The following DNMT3A variants were observed in gnomAD, a reference collection of about 807,000 sequenced individuals.
The protein encoded by DNMT3A is DNA methyltransferase 3 alpha.
In DNMT3A, 267 loss-of-function variants were observed where a neutral mutation model predicts 117.6. That is an observed-to-expected ratio of 2.27 (90% CI 2.05 to 2.51). The LOEUF is 2.51. DNMT3A is among the 30% of genes most tolerant of loss of function. The pLI is 0.00. For missense variants in DNMT3A, 1,029 were observed against 1,260.2 expected (o/e 0.82, Z 2.78); for synonymous variants, 432 against 474.8 (o/e 0.91, Z 1.17).
Position 25,246,934 on chromosome 2 carries a change from G to C in DNMT3A, c.1122+117C>G, listed in dbSNP as rs543558724. 16 of 1,470,402 alleles carry C rather than the reference G, an allele frequency of 1.1e-5. No homozygotes were observed. The African/African-American group carries it at 1.4e-4, about 13-fold the overall frequency. 91.1% of individuals were successfully genotyped at this position (1,470,402 alleles called of 1,614,324 possible). The stretch of plus-strand genomic sequence containing the variant: ...TGTGCATACGGGCGAGCGAGGTGGA[G>C]AGAAAGGAGTCGCTGCCTCCTGGGC... On this transcript the variant is annotated intron_variant, in intron 9 of 22. Coordinates refer to ENST00000321117, the MANE Select transcript of DNMT3A (RefSeq NM_022552.5).
rs1558722168 is a variant in DNMT3A at position 25,300,632 on chromosome 2, AATAATATATTATTTAGATATCTAAATAAT to A, written c.73-418_73-390del. On this transcript the variant is annotated intron_variant, in intron 2 of 22. Transcript: ENST00000321117. Reference sequence around the variant, plus strand: ...AAATAATATATTATTTAGATATCTAAATAATATATTATTTAGATATCTAAATAATATATTATTTAGATATATATTTAGAT... The same window carrying A: ...AAATAATATATTATTTAGATATCTAAATATTATTTAGATATATATTTAGAT... Among the ~76,000 whole-genome samples, 2 of 87,604 alleles carry A rather than the reference AATAATATATTATTTAGATATCTAAATAAT, an allele frequency of 2.3e-5. 1 individual carries two copies. The highest frequency in any genetic ancestry group is 6.7e-4 in the South Asian group (2 of 3,000). 57.5% of individuals were successfully genotyped at this position (87,604 alleles called of 152,430 possible).
rs138560584 is a variant in DNMT3A at position 25,231,944 on chromosome 2, C to CGT, written c.*2333_*2334dup. ...GAGAAGAGTGCTGGGAGCCCCCTGGCGTGTGTGTGTGTGTGTGAGTGCATT... is the reference window on the plus strand; with the variant it reads ...GAGAAGAGTGCTGGGAGCCCCCTGGCGTGTGTGTGTGTGTGTGTGAGTGCATT... On this transcript the variant is annotated 3_prime_UTR_variant, in exon 23 of 23. Coordinates refer to ENST00000321117, the MANE Select transcript of DNMT3A (RefSeq NM_022552.5). The CGT allele has an allele frequency of 2.0e-3, 297 of 150,920 alleles. 2 individuals carry two copies. Among genetic ancestry groups the CGT allele is most frequent in the Middle Eastern group, 6.8e-3 (2 of 294 alleles). The allele number at this position is 150,920 out of a possible 1,614,324, so 9.3% of individuals were successfully genotyped here. A position where few individuals can be genotyped will look rare whatever the true frequency, so the allele number is the denominator to read the frequency against.
intron 3 of DNMT3A, among the ~76,000 whole-genome samples, chr2:25,291,939 G>A (rs527701831): frequency 4.6e-5 from 7 of 152,330 alleles, no homozygotes; most frequent in African/African-American, 1.7e-4. Flanking sequence ...ATTTCAGAGT[G>A]AGCTGGAGGC....
At chr2:25,334,075 A>T (rs1004009479) in intron 1 of DNMT3A, among the ~76,000 whole-genome samples, 5 of 152,106 alleles carry the variant, frequency 3.3e-5, no homozygotes, top group Non-Finnish European at 5.9e-5. Flanking sequence ...GCCTTATTCC[A>T]GGGGCAGGGT....
intron 3 of DNMT3A, among the ~76,000 whole-genome samples, chr2:25,290,877 C>T (rs1473798315): frequency 1.3e-5 from 2 of 152,194 alleles, no homozygotes; most frequent in East Asian, 3.9e-4. Context: ...CTCTTGCCTT[C>T]TCCCCCAAAG....
At position 25,306,592 on chromosome 2, in the gene DNMT3A, T is replaced by C. The variant is rs1306597859; in HGVS notation, c.73-6349A>G. Among the ~76,000 whole-genome samples the C allele has an allele frequency of 2.0e-5, 3 of 152,166 alleles. No homozygotes were observed. Among genetic ancestry groups the C allele is most frequent in the Admixed American group, 6.5e-5 (1 of 15,278 alleles). On this transcript the variant is annotated intron_variant, in intron 2 of 22. Transcript: ENST00000321117. The surrounding 1 kb of genome is among the most constrained non-coding windows in gnomAD (Gnocchi z 4.1). ...TGCCCATCTGGTTCCCAGGCCCTCG[T>C]GCCAGGGCTGCAGCCCCTTGTCCAC... is the stretch of plus-strand genomic sequence containing the variant.
In DNMT3A at chr2:25,236,857, G is replaced by A; in HGVS notation, c.2478+79C>T. On this transcript the variant is annotated intron_variant, in intron 21 of 22. Coordinates refer to ENST00000321117, the MANE Select transcript of DNMT3A (RefSeq NM_022552.5). This position sits in a 1 kb window ranked among gnomAD's most constrained non-coding sequence, Gnocchi z 4.5. ...CTAGCTGGAGAAGCAGGCGGGACAA[G>A]GCCCTGGCCACCGCTCCACCTCATC... is the stretch of plus-strand genomic sequence containing the variant. The A allele has an allele frequency of 1.4e-6, 2 of 1,447,824 alleles. No homozygotes were observed. The highest frequency in any genetic ancestry group is 9.4e-7 in the Non-Finnish European group (1 of 1,059,824). The allele number at this position is 1,447,824 out of a possible 1,614,324, so 89.7% of individuals were successfully genotyped here. A position where few individuals can be genotyped will look rare whatever the true frequency, so the allele number is the denominator to read the frequency against.
chr2:25,314,239 C>T (rs1045445572), intron 1 of DNMT3A, 78 bp from the exon 2 acceptor site: 227 of 1,359,372 alleles, frequency 1.7e-4, no homozygotes, highest in Non-Finnish European at 1.9e-4. Context: ...AGGGCCACAC[C>T]TGGCCTGTGA....
chr2:25,302,471 G>A (rs951822513), intron 2 of DNMT3A, among the ~76,000 whole-genome samples: 2 of 152,212 alleles, frequency 1.3e-5, no homozygotes, highest in African/African-American at 2.4e-5. Context: ...GGGGAGCCCC[G>A]TGCCGTCTGT....
rs117653576 is a variant in DNMT3A at position 25,268,300 on chromosome 2, C to T, written c.639+6641G>A. Among the ~76,000 whole-genome samples the T allele has an allele frequency of 1.0e-3, 155 of 152,280 alleles. 5 individuals carry two copies. The East Asian group carries it at 0.027, about 26-fold the overall frequency. ...TAGGACATGGTACCCGCTGCCTAGA[C>T]GGAATTTAGAATCCGGCTGGGGTGA... On this transcript the variant is annotated intron_variant, in intron 6 of 22. Coordinates refer to ENST00000321117, the MANE Select transcript of DNMT3A (RefSeq NM_022552.5).
chr2:25,269,279 A>G lies in DNMT3A; in HGVS notation c.639+5662T>C, dbSNP rs534541602. Among the ~76,000 whole-genome samples, 4 of 152,352 alleles carry G rather than the reference A, an allele frequency of 2.6e-5. No individual in the cohort carries two copies. The South Asian group carries it at 8.3e-4, about 32-fold the overall frequency. ...GAGGTGGAGGTTGCAGTGAGCCAAG[A>G]GACTGCACCACTGCACCCCAGCCTG... On this transcript the variant is annotated intron_variant, in intron 6 of 22. Coordinates refer to ENST00000321117, the MANE Select transcript of DNMT3A (RefSeq NM_022552.5).
chr2:25,240,793 G>C, intron 17 of DNMT3A, 63 bp from the exon 18 acceptor site: 2 of 1,532,350 alleles, frequency 1.3e-6, no homozygotes, highest in Non-Finnish European at 1.8e-6. Context: ...CAGGAAGAAA[G>C]AGAAATTATC....
In DNMT3A at chr2:25,311,958, G is replaced by A. The variant is rs535394213; in HGVS notation, c.72+1955C>T. ...TCCATTGGTGGTGGCCTGGGGCTCC[G>A]CAGCCCAGAGCAGCAGCAGCGGCGT... On this transcript the variant is annotated intron_variant, in intron 2 of 22. Coordinates refer to ENST00000321117, the MANE Select transcript of DNMT3A (RefSeq NM_022552.5). The surrounding 1 kb of genome is among the most constrained non-coding windows in gnomAD (Gnocchi z 5.2). Among the ~76,000 whole-genome samples, 2 of 152,240 alleles carry A rather than the reference G, an allele frequency of 1.3e-5. No individual in the cohort carries two copies. The highest frequency in any genetic ancestry group is 2.4e-5 in the African/African-American group (1 of 41,558).
intron 20 of DNMT3A, 27 bp downstream of exon 20, chr2:25,239,103 C>T: frequency 3.1e-6 from 5 of 1,609,660 alleles, no homozygotes; most frequent in Non-Finnish European, 4.2e-6. Context: ...AGCCCACAGC[C>T]CCCCAGGCCC....
chr2:25,273,575 T>C (rs1293489548), intron 6 of DNMT3A, among the ~76,000 whole-genome samples: 1 of 152,182 alleles, frequency 6.6e-6, no homozygotes, highest in African/African-American at 2.4e-5. Context: ...CCCACTTCTC[T>C]TTGTACCCAG....
At chr2:25,246,848 G>T in intron 9 of DNMT3A, 72 bp from the exon 10 acceptor site, 1 of 1,581,946 alleles carries the variant, frequency 6.3e-7, no homozygotes, top group Non-Finnish European at 8.6e-7. Flanking sequence ...CTCAAGGCCA[G>T]ACTCTGAGTA....
chr2:25,320,754 A>ATG (rs1318299490), intron 1 of DNMT3A, among the ~76,000 whole-genome samples: 1 of 152,196 alleles, frequency 6.6e-6, no homozygotes, highest in African/African-American at 2.4e-5. Context: ...TAACAAATAT[A>ATG]TGTGTGTGTA....
chr2:25,255,502 T>G (rs1365326382), intron 6 of DNMT3A, among the ~76,000 whole-genome samples: 1 of 152,174 alleles, frequency 6.6e-6, no homozygotes, highest in Non-Finnish European at 1.5e-5. Context: ...AAGTATCCAG[T>G]GTGGTCCAAT....
rs966303848 is a variant in DNMT3A at position 25,236,396 on chromosome 2, C to G, written c.2478+540G>C. Among the ~76,000 whole-genome samples the G allele has an allele frequency of 6.6e-6, 1 of 152,194 alleles. No homozygotes were observed. The highest frequency in any genetic ancestry group is 6.5e-5 in the Admixed American group (1 of 15,280). On this transcript the variant is annotated intron_variant, in intron 21 of 22. Transcript: ENST00000321117. This position sits in a 1 kb window ranked among gnomAD's most constrained non-coding sequence, Gnocchi z 4.5. ...CAGACTTTAGAAGTAGAAGCTGTAG[C>G]CACTGTACTTTCCAAGTCTTCCAAA...
Sources: gnomAD v4.1 joint callset for allele counts (sites outside exome capture counted in the v4.1 genomes callset) on GRCh38, gnomAD v4.1.1 for gene constraint, Gnocchi (gnomAD v3.1) non-coding constraint, MANE v1.5 for transcripts, NCBI Gene and HGNC (gene_info 2026-07-23, HGNC 2026-07-21) for gene names.